The following APBB1IP variants were observed in gnomAD, a reference collection of about 807,000 sequenced individuals.
The protein encoded by APBB1IP is amyloid beta precursor protein binding family B member 1 interacting protein.
APBB1IP carries 27 observed loss-of-function variants against 64.9 expected under a neutral mutation model. That is an observed-to-expected ratio of 0.42 (90% confidence interval 0.31 to 0.57). The LOEUF is 0.57. Ranked by LOEUF, APBB1IP falls within the 20% of genes least tolerant of loss-of-function variation. The probability of loss-of-function intolerance (pLI) is 0.20; values close to 1 mark genes in which losing one functional copy is unlikely to be tolerated. For missense variants in APBB1IP, 812 were observed against 845.5 expected, an observed-to-expected ratio of 0.96 and a Z score of 0.49; for synonymous variants, 392 against 331.0, an observed-to-expected ratio of 1.18 and a Z score of -2.00.
Position 26,560,863 on chromosome 10 carries a change from A to G in APBB1IP, c.1369+19A>G. ...TCTACAGGTACTAAGTGGAGGAGAA[A>G]TTCCAACACATATTCAAAGCTTGGT... On this transcript the variant is annotated intron_variant, in intron 13 of 14. Coordinates refer to ENST00000376236, the MANE Select transcript of APBB1IP (RefSeq NM_019043.4). The G allele has an allele frequency of 6.4e-7, 1 of 1,551,784 alleles. No individual in the cohort carries two copies. Among genetic ancestry groups the G allele is most frequent in the South Asian group, 1.2e-5 (1 of 85,844 alleles).
intron 6 of APBB1IP, among the ~76,000 whole-genome samples, chr10:26,504,221 G>C (rs1189034522): frequency 6.6e-6 from 1 of 152,208 alleles, no homozygotes; most frequent in Non-Finnish European, 1.5e-5. Context: ...ACCAAATGCT[G>C]TTTTTGCTGG....
intron 2 of APBB1IP, among the ~76,000 whole-genome samples, chr10:26,459,036 C>T (rs957693603): frequency 4.1e-4 from 62 of 150,604 alleles, no homozygotes; most frequent in Admixed American, 1.1e-3. Flanking sequence ...TGTGCTGCAC[C>T]CATTAACTTG....
chr10:26,560,899 A>G, intron 13 of APBB1IP, 55 bp downstream of exon 13: 1 of 1,358,582 alleles, frequency 7.4e-7, no homozygotes, highest in Non-Finnish European at 1.0e-6. Context: ...GCTCCAGTTC[A>G]AAATGTATCC....
chr10:26,526,211 C>A (rs574168942), intron 8 of APBB1IP, among the ~76,000 whole-genome samples: 1 of 152,194 alleles, frequency 6.6e-6, no homozygotes, highest in African/African-American at 2.4e-5. Flanking sequence ...ATTCTTATTG[C>A]TAGAAGCCCT....
chr10:26,510,562 G>A (rs895633837), intron 6 of APBB1IP, among the ~76,000 whole-genome samples: 2 of 151,960 alleles, frequency 1.3e-5, no homozygotes, highest in Non-Finnish European at 2.9e-5. Context: ...GTGAGACCTT[G>A]CCTCTACAAA....
intron 2 of APBB1IP, among the ~76,000 whole-genome samples, chr10:26,439,116 G>T (rs1410128180): frequency 6.6e-6 from 1 of 152,146 alleles, no homozygotes; most frequent in East Asian, 1.9e-4. Context: ...CCGAGCTATT[G>T]CAACAGATTT....
intron 14 of APBB1IP, among the ~76,000 whole-genome samples, chr10:26,564,609 A>C (rs1837016320): frequency 6.6e-6 from 1 of 152,120 alleles, no homozygotes; most frequent in South Asian, 2.1e-4. Flanking sequence ...TGGAGACCAG[A>C]GTGGCCAATA....
intron 2 of APBB1IP, among the ~76,000 whole-genome samples, chr10:26,471,833 T>C (rs987383449): frequency 6.6e-6 from 1 of 152,136 alleles, no homozygotes; most frequent in Admixed American, 6.5e-5. Context: ...GACAGGCACG[T>C]GCCACCATGC....
intron 10 of APBB1IP, among the ~76,000 whole-genome samples, chr10:26,537,825 T>A (rs1272358808): frequency 2.0e-5 from 3 of 148,992 alleles, no homozygotes; most frequent in African/African-American, 5.0e-5. Context: ...TCCCAGTAGC[T>A]GGGGAGGGTG....
chr10:26,519,924 T>C (rs1418975684), intron 8 of APBB1IP, among the ~76,000 whole-genome samples: 1 of 152,226 alleles, frequency 6.6e-6, no homozygotes, highest in Non-Finnish European at 1.5e-5. Flanking sequence ...TCATGGCTCC[T>C]AAAAGGGAGG....
chr10:26,463,395 G>C (rs945874242), intron 2 of APBB1IP, among the ~76,000 whole-genome samples: 1 of 152,172 alleles, frequency 6.6e-6, no homozygotes, highest in African/African-American at 2.4e-5. Flanking sequence ...AGCTATGACT[G>C]TGCCACTGTA....
intron 9 of APBB1IP, among the ~76,000 whole-genome samples, chr10:26,534,686 C>T (rs140886227): frequency 6.6e-6 from 1 of 152,182 alleles, no homozygotes. Flanking sequence ...GCTGCCACCC[C>T]CCAGATGCTG....
chr10:26,453,483 C>T (rs1257744236), intron 2 of APBB1IP, among the ~76,000 whole-genome samples: 1 of 152,104 alleles, frequency 6.6e-6, no homozygotes, highest in Non-Finnish European at 1.5e-5. Context: ...CCCTGCTCCT[C>T]GACTAGAAGC....
intron 4 of APBB1IP, among the ~76,000 whole-genome samples, chr10:26,498,271 G>A (rs1836052783): frequency 6.6e-6 from 1 of 152,066 alleles, no homozygotes; most frequent in African/African-American, 2.4e-5. Context: ...CACTTTGGGA[G>A]GCCGACGCTG....
chr10:26,464,040 T>C (rs1383173341), intron 2 of APBB1IP, among the ~76,000 whole-genome samples: 2 of 152,188 alleles, frequency 1.3e-5, no homozygotes, highest in African/African-American at 4.8e-5. Flanking sequence ...TGGATTCCCA[T>C]CCTTGCTGAC....
chr10:26,561,093 C>A (rs1251630703), intron 13 of APBB1IP, among the ~76,000 whole-genome samples: 7 of 57,340 alleles, frequency 1.2e-4, no homozygotes, highest in African/African-American at 4.0e-4. Context: ...TTTTTTGAGA[C>A]TCTCTCGCAC....
intron 11 of APBB1IP, among the ~76,000 whole-genome samples, chr10:26,555,144 T>G (rs1287514438): frequency 6.6e-6 from 1 of 152,182 alleles, no homozygotes; most frequent in African/African-American, 2.4e-5. Flanking sequence ...CTATTTCCCA[T>G]CAAGATCTCC....
chr10:26,468,755 G>T (rs367565735), intron 2 of APBB1IP, among the ~76,000 whole-genome samples: 1 of 152,166 alleles, frequency 6.6e-6, no homozygotes, highest in African/African-American at 2.4e-5. Context: ...CCAGCTCATC[G>T]GCTCTTTCTG....
chr10:26,472,091 GT>G (rs1835724294), intron 2 of APBB1IP, among the ~76,000 whole-genome samples: 1 of 152,126 alleles, frequency 6.6e-6, no homozygotes, highest in Non-Finnish European at 1.5e-5. Flanking sequence ...ACCAAGATGG[GT>G]GGGGGCTGCG....
Sources: allele counts gnomAD v4.1 joint callset (sites outside exome capture counted in the v4.1 genomes callset), GRCh38; gene constraint gnomAD v4.1.1; transcripts MANE v1.5; gene names NCBI Gene and HGNC (gene_info 2026-07-23, HGNC 2026-07-21).